The following NKAIN2 variants were observed in gnomAD, a reference collection of about 807,000 sequenced individuals.
NKAIN2 encodes the protein sodium/potassium transporting ATPase interacting 2.
NKAIN2 carries 14 observed loss-of-function variants against 32.6 expected under a neutral mutation model. The observed-to-expected ratio is 0.43, with a 90% CI of 0.28 to 0.67. The LOEUF (loss-of-function observed/expected upper bound fraction) is 0.67, where lower values mean the gene tolerates loss of function less well. NKAIN2 is among the 30% of genes least tolerant of loss of function. NKAIN2 has a pLI of 0.17. For synonymous variants in NKAIN2, 80 were observed against 87.2 expected (o/e 0.92, Z 0.46); for missense variants, 198 against 258.3 (o/e 0.77, Z 1.60).
chr6:124,212,069 A>C (rs1035444034), intron 1 of NKAIN2, among the ~76,000 whole-genome samples: 2 of 152,122 alleles, frequency 1.3e-5, no homozygotes, highest in Admixed American at 1.3e-4. Flanking sequence ...TTTTTAATAA[A>C]ATATGAAAAA....
chr6:124,193,719 A>T (rs1790149193), intron 1 of NKAIN2, among the ~76,000 whole-genome samples: 1 of 152,020 alleles, frequency 6.6e-6, no homozygotes, highest in Non-Finnish European at 1.5e-5. Context: ...AGACAAGTGG[A>T]GGGTGCGCAA....
chr6:124,232,449 G>T (rs1418756469), intron 1 of NKAIN2, among the ~76,000 whole-genome samples: 1 of 152,090 alleles, frequency 6.6e-6, no homozygotes, highest in Non-Finnish European at 1.5e-5. Context: ...AATAAAAAAT[G>T]ATAAATAGCA....
intron 4 of NKAIN2, among the ~76,000 whole-genome samples, chr6:124,693,598 A>G (rs1774360203): frequency 6.6e-6 from 1 of 152,186 alleles, no homozygotes; most frequent in South Asian, 2.1e-4. Context: ...TTGGAAGATG[A>G]GAGAAGGCAA....
intron 1 of NKAIN2, among the ~76,000 whole-genome samples, chr6:124,189,603 G>A (rs1185270672): frequency 2.0e-5 from 3 of 152,118 alleles, no homozygotes; most frequent in African/African-American, 7.2e-5. Flanking sequence ...AGGAGGCTAA[G>A]GCAGGAGGCG....
At chr6:123,906,510 C>A (rs1022985943) in intron 1 of NKAIN2, among the ~76,000 whole-genome samples, 4 of 152,134 alleles carry the variant, frequency 2.6e-5, no homozygotes, top group African/African-American at 9.7e-5. Context: ...CCAGGCTGGT[C>A]TTGAATTCCT....
chr6:124,317,931 C>G (rs1269377885), intron 2 of NKAIN2, among the ~76,000 whole-genome samples: 1 of 151,968 alleles, frequency 6.6e-6, no homozygotes, highest in Non-Finnish European at 1.5e-5. Flanking sequence ...TTTCCTGTAA[C>G]TTTCTTGGCT....
At chr6:123,930,227 G>A (rs1562263110) in intron 1 of NKAIN2, among the ~76,000 whole-genome samples, 1 of 152,106 alleles carries the variant, frequency 6.6e-6, no homozygotes, top group African/African-American at 2.4e-5. Flanking sequence ...TAAGGGCAAA[G>A]CTTCAATTAT....
At chr6:124,632,265 T>G (rs776056898) in intron 3 of NKAIN2, among the ~76,000 whole-genome samples, 2 of 152,126 alleles carry the variant, frequency 1.3e-5, no homozygotes, top group Non-Finnish European at 2.9e-5. Context: ...AAAAACATAT[T>G]GATAGATAAT....
intron 3 of NKAIN2, among the ~76,000 whole-genome samples, chr6:124,371,742 A>AAGTTTT (rs1799774605): frequency 6.6e-6 from 1 of 151,484 alleles, no homozygotes. Flanking sequence ...AGTGTAAGTT[A>AAGTTTT]AGTTTTAGCA....
chr6:123,937,375 G>T (rs1245145425), intron 1 of NKAIN2, among the ~76,000 whole-genome samples: 2 of 151,982 alleles, frequency 1.3e-5, no homozygotes, highest in African/African-American at 4.8e-5. Context: ...ATGGACTCCA[G>T]GTATCTCTAT....
chr6:124,062,629 A>G (rs889570760), intron 1 of NKAIN2, among the ~76,000 whole-genome samples: 7 of 152,100 alleles, frequency 4.6e-5, no homozygotes, highest in East Asian at 1.9e-4. Context: ...GGGTATTGCC[A>G]TGTTGTCCAG....
At chr6:124,274,782 CA>C (rs956865173) in intron 1 of NKAIN2, among the ~76,000 whole-genome samples, 6 of 150,910 alleles carry the variant, frequency 4.0e-5, no homozygotes, top group South Asian at 2.1e-4. Flanking sequence ...ACACACTATT[CA>C]AAAAAAAGGT....
At chr6:123,969,423 T>G (rs780188936) in intron 1 of NKAIN2, among the ~76,000 whole-genome samples, 2 of 152,214 alleles carry the variant, frequency 1.3e-5, no homozygotes, top group Non-Finnish European at 2.9e-5. Flanking sequence ...AGAATAAATC[T>G]ACCTCTGCTA....
intron 3 of NKAIN2, among the ~76,000 whole-genome samples, chr6:124,614,008 C>G (rs1782789210): frequency 6.6e-6 from 1 of 152,126 alleles, no homozygotes. Flanking sequence ...GTCATTTCAG[C>G]CTGAGTACCT....
At chr6:124,389,741 GT>G (rs1773062988) in intron 3 of NKAIN2, among the ~76,000 whole-genome samples, 8 of 151,226 alleles carry the variant, frequency 5.3e-5, no homozygotes, top group African/African-American at 1.7e-4. Context: ...GTGTGTGTGT[GT>G]GTGTGTGTGG....
intron 3 of NKAIN2, among the ~76,000 whole-genome samples, chr6:124,463,288 C>A (rs1776606629): frequency 6.6e-6 from 1 of 152,018 alleles, no homozygotes; most frequent in Non-Finnish European, 1.5e-5. Flanking sequence ...GCCACTACTA[C>A]TTTAAAATGT....
chr6:123,852,468 T>G (rs901614238), intron 1 of NKAIN2, among the ~76,000 whole-genome samples: 4 of 152,128 alleles, frequency 2.6e-5, no homozygotes, highest in Non-Finnish European at 5.9e-5. Context: ...ACTGTTTTAC[T>G]CTCTAACTAC....
At chr6:124,077,473 G>A (rs1582595750) in intron 1 of NKAIN2, among the ~76,000 whole-genome samples, 1 of 152,138 alleles carries the variant, frequency 6.6e-6, no homozygotes, top group South Asian at 2.1e-4. Flanking sequence ...TTCATGCACA[G>A]TCCTGGCGAC....
intron 5 of NKAIN2, among the ~76,000 whole-genome samples, chr6:124,812,653 C>T (rs954020384): frequency 1.3e-5 from 2 of 152,118 alleles, no homozygotes; most frequent in African/African-American, 2.4e-5. Context: ...TTTTCCCAAG[C>T]GTCTCTTCAC....
Sources: gnomAD v4.1 joint callset for allele counts (sites outside exome capture counted in the v4.1 genomes callset) on GRCh38, gnomAD v4.1.1 for gene constraint, MANE v1.5 for transcripts, NCBI Gene and HGNC (gene_info 2026-07-23, HGNC 2026-07-21) for gene names.